GRM5: variants seen among roughly 807,000 people sequenced by gnomAD.
The protein encoded by GRM5 is glutamate metabotropic receptor 5.
GRM5 carries 19 observed loss-of-function variants against 83.1 expected under a neutral mutation model. The ratio of observed to expected loss-of-function variants is 0.23; its 90% CI spans 0.16 to 0.34. The LOEUF is 0.34. GRM5 is among the 10% of genes least tolerant of loss of function. The probability of loss-of-function intolerance (pLI) is 1.00; values close to 1 mark genes in which losing one functional copy is unlikely to be tolerated. For missense variants in GRM5, 1,160 were observed against 1,588.3 expected (o/e 0.73, Z 4.58); for synonymous variants, 675 against 633.6 (o/e 1.07, Z -0.98).
intron 3 of GRM5, among the ~76,000 whole-genome samples, chr11:88,823,262 A>T (rs12287208): frequency 0.026 from 3,855 of 150,772 alleles, 171 homozygotes; most frequent in African/African-American, 0.089. Context: ...ATTATTTATA[A>T]TTACATTATT....
chr11:88,825,673 G>A (rs1943883446), intron 3 of GRM5, among the ~76,000 whole-genome samples: 1 of 152,164 alleles, frequency 6.6e-6, no homozygotes, highest in African/African-American at 2.4e-5. Flanking sequence ...AAATATGAAA[G>A]TGGAAAGACA....
chr11:88,856,577 T>C (rs1400058649), intron 2 of GRM5, among the ~76,000 whole-genome samples: 1 of 152,084 alleles, frequency 6.6e-6, no homozygotes, highest in African/African-American at 2.4e-5. Flanking sequence ...CACTCTAAAA[T>C]AATGATAAAA....
rs544032439 is a variant in GRM5 at position 89,031,349 on chromosome 11, GATT to G, written c.661+15860_661+15862del. Among the ~76,000 whole-genome samples, 265 of 151,644 alleles carry G rather than the reference GATT, an allele frequency of 1.7e-3. 1 individual carries two copies. The highest frequency in any genetic ancestry group is 6.0e-3 in the African/African-American group (247 of 41,432). ...AGTTGTACAAGAATTTAATCTTTTT[GATT>G]ATTTTTGTTTTTGTTGTTATTAAGT... On this transcript the variant is annotated intron_variant, in intron 2 of 9. Coordinates refer to ENST00000305447, the MANE Select transcript of GRM5 (RefSeq NM_001143831.3).
intron 8 of GRM5, among the ~76,000 whole-genome samples, chr11:88,539,990 C>T (rs972216596): frequency 2.6e-4 from 40 of 152,262 alleles, no homozygotes; most frequent in African/African-American, 4.6e-4. Flanking sequence ...TACCTGGGCA[C>T]GTCTGTTCTT....
chr11:88,555,301 C>T (rs1397667855), intron 8 of GRM5, among the ~76,000 whole-genome samples: 1 of 152,142 alleles, frequency 6.6e-6, no homozygotes, highest in Non-Finnish European at 1.5e-5. Flanking sequence ...TCTGGCCCTA[C>T]TCCAGACAAA....
Position 89,057,406 on chromosome 11 carries a change from C to A in GRM5, c.-201+8370G>T, listed in dbSNP as rs187838357. Among the ~76,000 whole-genome samples the A allele has an allele frequency of 9.2e-5, 14 of 152,104 alleles. No individual in the cohort carries two copies. In the East Asian group the frequency reaches 2.7e-3, roughly 29 times the overall value. ...AAAATGCAGCATCCCCACTGTTTAG[C>A]CCCACAAAATATAGGCCATATTTTA... On this transcript the variant is annotated intron_variant, in intron 1 of 9. Transcript: ENST00000305447.
intron 3 of GRM5, among the ~76,000 whole-genome samples, chr11:88,740,129 A>T (rs542909084): frequency 6.6e-6 from 1 of 152,066 alleles, no homozygotes; most frequent in African/African-American, 2.4e-5. Context: ...GGCTAAGTAC[A>T]TTGTAGAATA....
At chr11:89,024,230 A>G (rs1216845207) in intron 2 of GRM5, among the ~76,000 whole-genome samples, 1 of 152,192 alleles carries the variant, frequency 6.6e-6, no homozygotes, top group Non-Finnish European at 1.5e-5. Context: ...TAAATAATAA[A>G]GTTATTCATC....
intron 3 of GRM5, among the ~76,000 whole-genome samples, chr11:88,777,494 C>T (rs1343722889): frequency 6.6e-6 from 1 of 152,206 alleles, no homozygotes; most frequent in Non-Finnish European, 1.5e-5. Context: ...CAAGGAGCTG[C>T]AATCCTTTGG....
At chr11:88,619,983 T>A in intron 4 of GRM5, among the ~76,000 whole-genome samples, 1 of 152,232 alleles carries the variant, frequency 6.6e-6, no homozygotes, top group East Asian at 1.9e-4. Context: ...TCATTCTTTA[T>A]GCATATGGCA....
At chr11:88,650,106 A>T (rs7935049) in intron 4 of GRM5, among the ~76,000 whole-genome samples, 3,161 of 152,050 alleles carry the variant, frequency 0.021, 89 homozygotes, top group East Asian at 0.12. Context: ...AACTCCAAAT[A>T]AATTATACAA....
rs1459761946 is a variant in GRM5, at chr11:89,047,124, A to G, written c.661+88T>C. ...CGGACAATTCAAAATATCCAAAATA[A>G]TTAGGAATAGTTTACTCTTCCCAAA... is the stretch of plus-strand genomic sequence containing the variant. On this transcript the variant is annotated intron_variant, in intron 2 of 9. Coordinates refer to ENST00000305447, the MANE Select transcript of GRM5 (RefSeq NM_001143831.3). This position sits in a 1 kb window ranked among gnomAD's most constrained non-coding sequence, Gnocchi z 5.1. 16 of 1,002,842 alleles carry G rather than the reference A, an allele frequency of 1.6e-5. No individual in the cohort carries two copies. The highest frequency in any genetic ancestry group is 2.4e-5 in the Non-Finnish European group (16 of 664,972). 62.1% of individuals were successfully genotyped at this position (1,002,842 alleles called of 1,614,324 possible). A position where few individuals can be genotyped will look rare whatever the true frequency, so the allele number is the denominator to read the frequency against.
chr11:88,969,679 AT>A (rs765856345), intron 2 of GRM5, among the ~76,000 whole-genome samples: 1 of 152,106 alleles, frequency 6.6e-6, no homozygotes, highest in Non-Finnish European at 1.5e-5. Context: ...CTGTATGATT[AT>A]TTTACATCTT....
At chr11:88,619,346 G>A (rs1047089034) in intron 4 of GRM5, among the ~76,000 whole-genome samples, 1 of 152,162 alleles carries the variant, frequency 6.6e-6, no homozygotes, top group Non-Finnish European at 1.5e-5. Flanking sequence ...TGGCCTAAAT[G>A]CCATTTTATG....
chr11:88,979,220 C>A (rs1318140806), intron 2 of GRM5, among the ~76,000 whole-genome samples: 2 of 152,114 alleles, frequency 1.3e-5, no homozygotes, highest in African/African-American at 4.8e-5. Flanking sequence ...TGAGAAAAAC[C>A]AGTCTTTTAA....
chr11:88,977,285 T>A (rs1459768734), intron 2 of GRM5, among the ~76,000 whole-genome samples: 1 of 152,078 alleles, frequency 6.6e-6, no homozygotes, highest in Non-Finnish European at 1.5e-5. Context: ...CGATCTCAGC[T>A]CACTGCAAGC....
intron 4 of GRM5, among the ~76,000 whole-genome samples, chr11:88,648,097 G>C (rs1039057980): frequency 1.2e-4 from 19 of 152,068 alleles, no homozygotes; most frequent in African/African-American, 4.6e-4. Flanking sequence ...TCAGTGTGGC[G>C]ATTCCTCAGG....
intron 3 of GRM5, among the ~76,000 whole-genome samples, chr11:88,683,811 G>C (rs1940554437): frequency 1.3e-5 from 2 of 152,082 alleles, no homozygotes; most frequent in Admixed American, 1.3e-4. Context: ...AGATAAGAAG[G>C]GTGTTTACTT....
chr11:88,839,948 C>T (rs186151977), intron 3 of GRM5, among the ~76,000 whole-genome samples: 69 of 152,054 alleles, frequency 4.5e-4, no homozygotes, highest in African/African-American at 1.4e-3. Context: ...ATTTACTATT[C>T]ATTAAGTAGA....
Sources: allele counts gnomAD v4.1 joint callset (sites outside exome capture counted in the v4.1 genomes callset), GRCh38; gene constraint gnomAD v4.1.1; non-coding constraint Gnocchi (gnomAD v3.1); transcripts MANE v1.5; gene names NCBI Gene and HGNC (gene_info 2026-07-23, HGNC 2026-07-21).